Variants in UTP4 observed in about 807,000 individuals in gnomAD.
UTP4 encodes UTP4 small subunit processome component, also known as U3 small nucleolar RNA-associated protein 4 homolog.
In UTP4, 45 loss-of-function variants were observed where a neutral mutation model predicts 82.4. The observed-to-expected ratio is 0.55, with a 90% CI of 0.43 to 0.70. The LOEUF (loss-of-function observed/expected upper bound fraction) is 0.70. Among genes scored for constraint, UTP4 ranks in the 30% least tolerant of loss-of-function variants. The pLI, the probability that UTP4 is intolerant of heterozygous loss-of-function variation, is 0.00. For missense variants in UTP4, 819 were observed against 858.3 expected, an observed-to-expected ratio of 0.95 and a Z score of 0.57; for synonymous variants, 348 against 300.3, an observed-to-expected ratio of 1.16 and a Z score of -1.64.
chr16:69,156,219 G>T (rs2038079569), intron 11 of UTP4, among the ~76,000 whole-genome samples: 1 of 140,726 alleles, frequency 7.1e-6, no homozygotes, highest in Non-Finnish European at 1.5e-5. Flanking sequence ...CAATGGCACA[G>T]TCTTGGCCCA....
At chr16:69,135,083 T>C (rs1597131500) in intron 2 of UTP4, among the ~76,000 whole-genome samples, 1 of 152,024 alleles carries the variant, frequency 6.6e-6, no homozygotes, top group Admixed American at 6.6e-5. Context: ...GTAACAGTTA[T>C]AACTATATAA....
rs953351860 is a variant in UTP4, at chr16:69,153,780, C to G, written c.1099+100C>G. On this transcript the variant is annotated intron_variant, in intron 9 of 16. Coordinates refer to ENST00000314423, the MANE Select transcript of UTP4 (RefSeq NM_032830.3). ...CTGCTTATAGAAAAACTGAAGTAGA[C>G]TTTTGTGTCCATTTTAACTAATGGT... is the stretch of plus-strand genomic sequence containing the variant. 4 of 796,886 alleles carry G rather than the reference C, an allele frequency of 5.0e-6. No homozygotes were observed. The Admixed American group carries it at 8.1e-5, about 16-fold the overall frequency. 49.4% of individuals were successfully genotyped at this position (796,886 alleles called of 1,614,324 possible). A position where few individuals can be genotyped will look rare whatever the true frequency, so the allele number is the denominator to read the frequency against.
Position 69,137,003 on chromosome 16 carries a change from A to G in UTP4, c.351+116A>G, listed in dbSNP as rs544324949. ...ATTATGGCATGTGGCAACCCCAACTATAAGATTGGAATTGATAGTGAAGAT... is the reference window on the plus strand; with the variant it reads ...ATTATGGCATGTGGCAACCCCAACTGTAAGATTGGAATTGATAGTGAAGAT... On this transcript the variant is annotated intron_variant, in intron 3 of 16. Coordinates refer to ENST00000314423, the MANE Select transcript of UTP4 (RefSeq NM_032830.3). The G allele has an allele frequency of 5.7e-6, 5 of 882,926 alleles. No individual in the cohort carries two copies. In the East Asian group the frequency reaches 7.3e-5, roughly 13 times the overall value. The allele number at this position is 882,926 out of a possible 1,614,324, so 54.7% of individuals were successfully genotyped here.
intron 13 of UTP4, 50 bp downstream of exon 13, chr16:69,160,512 G>A (rs1271285241): frequency 1.5e-6 from 2 of 1,319,850 alleles, no homozygotes; most frequent in African/African-American, 1.4e-5. Flanking sequence ...ACAGGAGCCA[G>A]TTCACCCTGC....
At chr16:69,148,763 C>T (rs1045428315) in intron 6 of UTP4, among the ~76,000 whole-genome samples, 2 of 151,978 alleles carry the variant, frequency 1.3e-5, no homozygotes, top group African/African-American at 4.8e-5. Context: ...CATGCACCAC[C>T]AGGCTAAGTT....
chr16:69,164,586 TTATA>T (rs58927210), intron 14 of UTP4, among the ~76,000 whole-genome samples: 27,631 of 132,336 alleles, frequency 0.21, 2,929 homozygotes, highest in African/African-American at 0.24. Context: ...TAATCATTCT[TTATA>T]TATATATATA....
intron 8 of UTP4, among the ~76,000 whole-genome samples, chr16:69,153,134 A>G (rs1963319674): frequency 6.6e-6 from 1 of 151,978 alleles, no homozygotes; most frequent in Non-Finnish European, 1.5e-5. Context: ...TGTTCCCTCA[A>G]ATACTCTTAC....
At position 69,168,864 on chromosome 16, in the gene UTP4, C is replaced by G. The variant is rs1284889113; in HGVS notation, c.1988C>G (p.Ala663Gly). 6.2e-7 allele frequency: 1 copy of G among 1,613,898 alleles called. No individual in the cohort carries two copies. Among genetic ancestry groups the G allele is most frequent in the South Asian group, 1.1e-5 (1 of 91,076 alleles). Residue 663 changes from alanine (A) to glycine (G), a missense_variant, in exon 17 of 17, where the codon GCA becomes GGA. By Grantham distance (60) the Ala-to-Gly change is moderately conservative. Coordinates refer to ENST00000314423, the MANE Select transcript of UTP4 (RefSeq NM_032830.3). ...MDLLDERTLVAVERPLDDIIA... is the reference protein window; with the variant it reads ...MDLLDERTLVGVERPLDDIIA... ...CTTTTGGATGAAAGAACACTCGTGG[C>G]AGTAGAACGGCCTCTGGATGACATC...
Position 69,141,087 on chromosome 16 carries a change from G to A in UTP4, c.526+1173G>A, listed in dbSNP as rs969790637. ...ACTGATACATTCCCACATTTTTCCA[G>A]TTGCATAAATTAGGTTCAAGTCCAT... is the stretch of plus-strand genomic sequence containing the variant. On this transcript the variant is annotated intron_variant, in intron 5 of 16. Transcript: ENST00000314423. Among the ~76,000 whole-genome samples, 15 of 152,038 alleles carry A rather than the reference G, an allele frequency of 9.9e-5. No homozygotes were observed. The East Asian group carries it at 2.9e-3, about 29-fold the overall frequency.
At chr16:69,134,240 T>C (rs1962744526) in intron 2 of UTP4, among the ~76,000 whole-genome samples, 1 of 152,128 alleles carries the variant, frequency 6.6e-6, no homozygotes, top group Non-Finnish European at 1.5e-5. Flanking sequence ...TGTTATGTAC[T>C]GGGTGCTGTG....
Position 69,133,442 on chromosome 16 carries a change from T to C in UTP4, c.-2-16T>C. 5 of 1,613,792 alleles carry C rather than the reference T, an allele frequency of 3.1e-6. No individual in the cohort carries two copies. Among genetic ancestry groups the C allele is most frequent in the Non-Finnish European group, 4.2e-6 (5 of 1,179,734 alleles). The stretch of plus-strand genomic sequence containing the variant: ...AGTTAACATATAGCAATAATGACTC[T>C]CTTTTCGCCCCCTAGGAATGGGTGA... On this transcript the variant is annotated splice_polypyrimidine_tract_variant and intron_variant, in intron 1 of 16. Transcript: ENST00000314423.
chr16:69,143,564 T>A (rs773212924), intron 6 of UTP4, among the ~76,000 whole-genome samples, 175 bp downstream of exon 6: 1 of 152,162 alleles, frequency 6.6e-6, no homozygotes, highest in East Asian at 1.9e-4. Flanking sequence ...TACCTAACAA[T>A]TGGTTAGAGA....
intron 8 of UTP4, among the ~76,000 whole-genome samples, chr16:69,153,223 G>C (rs947016097): frequency 4.6e-5 from 7 of 152,192 alleles, no homozygotes; most frequent in Admixed American, 4.6e-4. Context: ...CTTTCCCAGT[G>C]AACCTCATCT....
chr16:69,149,750 C>T (rs1285461848), intron 6 of UTP4, among the ~76,000 whole-genome samples: 3 of 151,478 alleles, frequency 2.0e-5, no homozygotes, highest in African/African-American at 7.3e-5. Flanking sequence ...TTTTTTTAAG[C>T]CAGAGTCTCG....
chr16:69,155,775 A>G (rs1963393377), intron 10 of UTP4, 96 bp from the exon 11 acceptor site: 1 of 1,241,762 alleles, frequency 8.1e-7, no homozygotes. Flanking sequence ...ATCTGTGGGT[A>G]TGTCCAGAGT....
rs773337143 is a variant in UTP4 at position 69,136,752 on chromosome 16, G to A, written c.216G>A (p.Gln72=). 1.2e-6 allele frequency: 2 copies of A among 1,614,120 alleles called. No homozygotes were observed. Among genetic ancestry groups the A allele is most frequent in the Non-Finnish European group, 8.5e-7 (1 of 1,179,982 alleles). Residue 72 remains glutamine (Q), a synonymous_variant, in exon 3 of 17, where the codon CAG becomes CAA. Coordinates refer to ENST00000314423, the MANE Select transcript of UTP4 (RefSeq NM_032830.3). ...AAGCTTTGTGCTGGGCAGAAGGACA[G>A]CGACTCTTTAGTGCTGGGCTCAATG... is the stretch of plus-strand genomic sequence containing the variant. ...ATEALCWAEG[Q]RLFSAGLNGE... is the part of the protein sequence containing the mutation.
At chr16:69,143,424 C>T (rs768872071) in intron 6 of UTP4, 35 bp downstream of exon 6, 6 of 1,585,536 alleles carry the variant, frequency 3.8e-6, no homozygotes, top group Non-Finnish European at 5.2e-6. Context: ...GGTTGATGTA[C>T]ACCCTTGTGG....
chr16:69,152,008 A>G (rs1015825302), intron 8 of UTP4, among the ~76,000 whole-genome samples: 1 of 150,628 alleles, frequency 6.6e-6, no homozygotes, highest in African/African-American at 2.4e-5. Context: ...TATGTTATAG[A>G]TATAGATAGA....
intron 6 of UTP4, among the ~76,000 whole-genome samples, chr16:69,148,593 T>C (rs1373326111): frequency 1.3e-5 from 2 of 152,026 alleles, no homozygotes; most frequent in South Asian, 2.1e-4. Context: ...TTCAATTCTT[T>C]TGGATGTATA....
Sources: allele counts gnomAD v4.1 joint callset (sites outside exome capture counted in the v4.1 genomes callset), GRCh38; gene constraint gnomAD v4.1.1; transcripts MANE v1.5; gene names NCBI Gene and HGNC (gene_info 2026-07-23, HGNC 2026-07-21).